The following WDR27 variants were observed in gnomAD, a reference collection of about 807,000 sequenced individuals.
WDR27 encodes WD repeat-containing protein 27.
Under a neutral mutation model 114.4 loss-of-function variants are expected in WDR27, and 100 were observed. That is an observed-to-expected ratio of 0.87 (90% confidence interval 0.74 to 1.03). The LOEUF (loss-of-function observed/expected upper bound fraction) is 1.03. Among genes scored for constraint, WDR27 ranks in the 50% least tolerant of loss-of-function variants. WDR27 has a pLI of 0.00. For synonymous variants in WDR27, 449 were observed against 423.1 expected (o/e 1.06, Z -0.75); for missense variants, 1,129 against 1,092.9 (o/e 1.03, Z -0.47).
chr6:169,565,016 G>A (rs1800240565), intron 25 of WDR27, among the ~76,000 whole-genome samples: 1 of 151,852 alleles, frequency 6.6e-6, no homozygotes. Flanking sequence ...CTGTCAGCGA[G>A]CACTCCCTTC....
At chr6:169,496,564 G>A (rs1316355935) in intron 25 of WDR27, among the ~76,000 whole-genome samples, 1 of 152,034 alleles carries the variant, frequency 6.6e-6, no homozygotes, top group Non-Finnish European at 1.5e-5. Context: ...TTCCACAAAA[G>A]TGTGTTAGAA....
intron 21 of WDR27, among the ~76,000 whole-genome samples, chr6:169,632,028 T>C (rs1816528433): frequency 6.6e-6 from 1 of 151,670 alleles, no homozygotes; most frequent in African/African-American, 2.4e-5. Flanking sequence ...CTACTAAAAA[T>C]ACAAAACAAA....
intron 25 of WDR27, among the ~76,000 whole-genome samples, chr6:169,537,340 G>A (rs950994652): frequency 1.3e-5 from 2 of 152,196 alleles, no homozygotes; most frequent in Non-Finnish European, 2.9e-5. Flanking sequence ...TGATGTGATA[G>A]GGAATGAGTA....
chr6:169,515,091 T>C (rs1291369175), intron 25 of WDR27, among the ~76,000 whole-genome samples: 1 of 151,912 alleles, frequency 6.6e-6, no homozygotes, highest in Non-Finnish European at 1.5e-5. Context: ...AGAAACAAAC[T>C]CTCATTCATG....
chr6:169,435,369 T>C, the WDR27 span, among the ~76,000 whole-genome samples: 3 of 152,276 alleles, frequency 2.0e-5, no homozygotes, highest in South Asian at 4.1e-4. Flanking sequence ...GACCCCGGAA[T>C]GGTAGATCCA....
the WDR27 span, among the ~76,000 whole-genome samples, chr6:169,446,450 G>A: frequency 6.6e-6 from 1 of 152,218 alleles, no homozygotes; most frequent in African/African-American, 2.4e-5. Flanking sequence ...CTTCTGTGGT[G>A]TGGTCCAGGA....
intron 25 of WDR27, among the ~76,000 whole-genome samples, chr6:169,476,514 C>G (rs1387541282): frequency 6.6e-6 from 1 of 152,172 alleles, no homozygotes; most frequent in Non-Finnish European, 1.5e-5. Context: ...GCCTTTGCAG[C>G]CTTCATACTC....
At chr6:169,451,152 C>A in the WDR27 span, among the ~76,000 whole-genome samples, 1 of 152,206 alleles carries the variant, frequency 6.6e-6, no homozygotes, top group East Asian at 1.9e-4. Flanking sequence ...TTCCTCCGCC[C>A]TGTTGTTTCA....
chr6:169,698,220 G>C lies in WDR27; in HGVS notation c.-8+3331C>G, dbSNP rs1311982607. 2.6e-5 allele frequency among the ~76,000 whole-genome samples: 4 copies of C among 152,088 alleles called. No individual in the cohort carries two copies. In the East Asian group the frequency reaches 7.7e-4, roughly 29 times the overall value. Reference sequence around the variant, plus strand: ...ACCTCTCCAGCTGCCCAACACCTCTGTTCCTCAGTGTTCTCAGCTTCAATG... The same window carrying C: ...ACCTCTCCAGCTGCCCAACACCTCTCTTCCTCAGTGTTCTCAGCTTCAATG... On this transcript the variant is annotated intron_variant, in intron 1 of 25. Coordinates refer to ENST00000448612, the MANE Select transcript of WDR27 (RefSeq NM_182552.5).
At chr6:169,478,501 A>T (rs910140425) in intron 25 of WDR27, among the ~76,000 whole-genome samples, 1 of 152,168 alleles carries the variant, frequency 6.6e-6, no homozygotes, top group African/African-American at 2.4e-5. Flanking sequence ...CTTTATTATG[A>T]AGAATTATAA....
chr6:169,431,960 CAG>C, the WDR27 span, among the ~76,000 whole-genome samples: 64 of 152,328 alleles, frequency 4.2e-4, no homozygotes, highest in African/African-American at 1.5e-3. Context: ...CGAGTAAGCT[CAG>C]AGTCTTTTCT....
At chr6:169,687,958 G>T (rs1585171511) in intron 2 of WDR27, among the ~76,000 whole-genome samples, 1 of 152,066 alleles carries the variant, frequency 6.6e-6, no homozygotes, top group African/African-American at 2.4e-5. Flanking sequence ...AAAGACATAG[G>T]AAAGAATCTA....
chr6:169,498,954 C>T (rs1790749799), intron 25 of WDR27, among the ~76,000 whole-genome samples: 1 of 152,188 alleles, frequency 6.6e-6, no homozygotes, highest in African/African-American at 2.4e-5. Context: ...CATACCTGCG[C>T]AGAACTGCAA....
At chr6:169,686,442 A>C (rs1032095369) in intron 2 of WDR27, among the ~76,000 whole-genome samples, 1 of 152,192 alleles carries the variant, frequency 6.6e-6, no homozygotes, top group East Asian at 1.9e-4. Context: ...TAAATAAATA[A>C]CATTCCCTAT....
rs778000450 is a variant in WDR27, at chr6:169,658,315, T to G, written c.1363A>C (p.Lys455Gln). 9 of 1,602,100 alleles carry G rather than the reference T, an allele frequency of 5.6e-6. No homozygotes were observed. The highest frequency in any genetic ancestry group is 6.8e-6 in the Non-Finnish European group (8 of 1,174,726). The change falls in exon 13 of 26, where the codon AAG (lysine) becomes CAG (glutamine). Residue 455 changes from lysine to glutamine, a missense_variant. Coordinates refer to ENST00000448612, the MANE Select transcript of WDR27 (RefSeq NM_182552.5). ...CTAGCAGCCTTGGTACTCTTCTCCT[T>G]GGCAATTCCCAGATACAGTGGAGAG... ...PTSPLYLGIA[K>Q]EKSTKAASEQ...
chr6:169,627,401 CA>C (rs1363893100), intron 21 of WDR27, among the ~76,000 whole-genome samples: 1 of 152,098 alleles, frequency 6.6e-6, no homozygotes, highest in Non-Finnish European at 1.5e-5. Flanking sequence ...TTTTAAAAGC[CA>C]GAATAAAGCT....
chr6:169,439,706 T>G, the WDR27 span, among the ~76,000 whole-genome samples: 1 of 152,052 alleles, frequency 6.6e-6, no homozygotes, highest in Admixed American at 6.5e-5. Flanking sequence ...TGCCTATAGC[T>G]TACAGCAATT....
chr6:169,506,639 C>G (rs1792032713), intron 25 of WDR27, among the ~76,000 whole-genome samples: 1 of 152,188 alleles, frequency 6.6e-6, no homozygotes, highest in South Asian at 2.1e-4. Flanking sequence ...ATGGTCATTA[C>G]AGATTAGCTG....
rs991820107 is a variant in WDR27, at chr6:169,568,341, A to G, written c.2645+4078T>C. On this transcript the variant is annotated intron_variant, in intron 25 of 25. Coordinates refer to ENST00000448612, the MANE Select transcript of WDR27 (RefSeq NM_182552.5). ...AAGGAAAAAAAACATTTCTTATAAC[A>G]TACTTGCTCCACATCTAGTACATGT... is the stretch of plus-strand genomic sequence containing the variant. Among the ~76,000 whole-genome samples, 3 of 152,168 alleles carry G rather than the reference A, an allele frequency of 2.0e-5. No homozygotes were observed. The East Asian group carries it at 5.8e-4, about 29-fold the overall frequency.
Sources: allele counts gnomAD v4.1 joint callset (sites outside exome capture counted in the v4.1 genomes callset), GRCh38; gene constraint gnomAD v4.1.1; transcripts MANE v1.5; gene names NCBI Gene and HGNC (gene_info 2026-07-23, HGNC 2026-07-21).